PCLO: variants seen among roughly 807,000 people sequenced by gnomAD.
PCLO encodes the protein protein piccolo.
A neutral mutation model predicts 427.5 loss-of-function variants in PCLO; 82 were observed. That is an observed-to-expected ratio of 0.19 (90% confidence interval 0.16 to 0.23). The LOEUF (loss-of-function observed/expected upper bound fraction) is 0.23. PCLO is among the 10% of genes least tolerant of loss of function. The pLI, the probability that PCLO is intolerant of heterozygous loss-of-function variation, is 1.00. For missense variants in PCLO, 6,239 were observed against 6,115.9 expected (o/e 1.02, Z -0.67); for synonymous variants, 2,357 against 2,155.4 (o/e 1.09, Z -2.59).
intron 2 of PCLO, among the ~76,000 whole-genome samples, chr7:83,151,183 T>C (rs907399847): frequency 6.6e-6 from 1 of 152,154 alleles, no homozygotes; most frequent in African/African-American, 2.4e-5. Context: ...ACCTTTTGAT[T>C]GCGTTTTTTC....
chr7:82,771,239 G>A (rs1290100402), intron 22 of PCLO, among the ~76,000 whole-genome samples: 1 of 151,640 alleles, frequency 6.6e-6, no homozygotes, highest in Non-Finnish European at 1.5e-5. Context: ...TTTTTCTTAT[G>A]TATCTAACAA....
rs947594270 is a variant in PCLO at position 82,756,984 on chromosome 7, A to C, written c.*1591T>G. ...AAATTTGAGAATTAAAAAGATATGT[A>C]ATAATTATTCCTCACTTCTGTGTAT... On this transcript the variant is annotated 3_prime_UTR_variant, in exon 25 of 25. Coordinates refer to ENST00000333891, the MANE Select transcript of PCLO (RefSeq NM_033026.6). 2 of 152,166 alleles carry C rather than the reference A, an allele frequency of 1.3e-5. No individual in the cohort carries two copies. Among genetic ancestry groups the C allele is most frequent in the African/African-American group, 4.8e-5 (2 of 41,454 alleles). 9.4% of individuals were successfully genotyped at this position (152,166 alleles called of 1,614,324 possible). A position where few individuals can be genotyped will look rare whatever the true frequency, so the allele number is the denominator to read the frequency against.
chr7:82,960,954 A>T (rs1795643656), intron 4 of PCLO, among the ~76,000 whole-genome samples: 1 of 152,192 alleles, frequency 6.6e-6, no homozygotes, highest in Admixed American at 6.5e-5. Context: ...GTGAGGGCAC[A>T]GTCTTTGTAA....
At chr7:83,114,536 CATCT>C (rs1354267128) in intron 3 of PCLO, among the ~76,000 whole-genome samples, 6 of 152,000 alleles carry the variant, frequency 3.9e-5, no homozygotes, top group Non-Finnish European at 7.4e-5. Context: ...AATCATCAGA[CATCT>C]ATCAGGTGAT....
At position 83,108,830 on chromosome 7, in the gene PCLO, C is replaced by T. The variant is rs73707545; in HGVS notation, c.3300+25420G>A. ...ATGGTAATAGTAATATGAGCTCTTT[C>T]ATTAATTTTCAACTTAATCACAGTG... is the stretch of plus-strand genomic sequence containing the variant. On this transcript the variant is annotated intron_variant, in intron 3 of 24. Transcript: ENST00000333891. 8.3e-3 allele frequency among the ~76,000 whole-genome samples: 1,265 copies of T among 152,076 alleles called. 10 individuals are homozygous for T. The highest frequency in any genetic ancestry group is 0.029 in the African/African-American group (1,200 of 41,482).
intron 3 of PCLO, among the ~76,000 whole-genome samples, chr7:83,130,578 G>T (rs1406368368): frequency 6.6e-6 from 1 of 151,904 alleles, no homozygotes; most frequent in Non-Finnish European, 1.5e-5. Context: ...AATTTCTTTT[G>T]TGTGTGTGTA....
intron 18 of PCLO, among the ~76,000 whole-genome samples, chr7:82,825,696 T>C (rs1050408042): frequency 6.8e-6 from 1 of 148,056 alleles, no homozygotes; most frequent in Non-Finnish European, 1.5e-5. Context: ...ACATTATATA[T>C]ACACTGTAGA....
At position 82,794,477 on chromosome 7, in the gene PCLO, T is replaced by C. The variant is rs1370410491; in HGVS notation, c.15007+7041A>G. ...TTTTTTTCTTTTTTTTTTTTTTTTT[T>C]TTTTTTTTTTTTGAGACACAGTCTT... On this transcript the variant is annotated intron_variant, in intron 22 of 24. Coordinates refer to ENST00000333891, the MANE Select transcript of PCLO (RefSeq NM_033026.6). 8.1e-5 allele frequency among the ~76,000 whole-genome samples: 9 copies of C among 111,422 alleles called. 1 individual carries two copies. Among genetic ancestry groups the C allele is most frequent in the East Asian group, 7.8e-4 (3 of 3,828 alleles). 73.1% of individuals were successfully genotyped at this position (111,422 alleles called of 152,430 possible). A position where few individuals can be genotyped will look rare whatever the true frequency, so the allele number is the denominator to read the frequency against.
At chr7:83,095,228 C>T (rs970486523) in intron 3 of PCLO, among the ~76,000 whole-genome samples, 2 of 151,790 alleles carry the variant, frequency 1.3e-5, no homozygotes, top group Admixed American at 6.6e-5. Context: ...TCTACTTTGC[C>T]GAATATATGC....
At chr7:82,788,420 T>C (rs1791030821) in intron 22 of PCLO, among the ~76,000 whole-genome samples, 1 of 151,770 alleles carries the variant, frequency 6.6e-6, no homozygotes, top group Non-Finnish European at 1.5e-5. Flanking sequence ...TTTGATAAAT[T>C]ACATTTCTTC....
chr7:83,082,628 GC>G (rs1398346741), intron 3 of PCLO, among the ~76,000 whole-genome samples: 1 of 151,618 alleles, frequency 6.6e-6, no homozygotes, highest in Non-Finnish European at 1.5e-5. Context: ...TTTCAAAATA[GC>G]TAAAAGAGTA....
intron 3 of PCLO, among the ~76,000 whole-genome samples, chr7:82,973,244 T>C (rs559091544): frequency 1.3e-5 from 2 of 152,244 alleles, no homozygotes; most frequent in African/African-American, 4.8e-5. Flanking sequence ...AAAAAATAAA[T>C]GAAATGTGTG....
intron 19 of PCLO, among the ~76,000 whole-genome samples, chr7:82,823,845 G>C (rs938355322): frequency 2.0e-5 from 3 of 152,184 alleles, no homozygotes; most frequent in Non-Finnish European, 4.4e-5. Flanking sequence ...CAAACAATTA[G>C]AAGGATTATA....
intron 3 of PCLO, among the ~76,000 whole-genome samples, chr7:83,060,738 C>T (rs775666488): frequency 2.0e-5 from 3 of 152,136 alleles, no homozygotes; most frequent in Admixed American, 2.0e-4. Context: ...TGGTTCTAGA[C>T]AGTTTCAAAA....
chr7:82,868,908 A>G (rs1377519249), intron 10 of PCLO, among the ~76,000 whole-genome samples: 1 of 152,210 alleles, frequency 6.6e-6, no homozygotes, highest in African/African-American at 2.4e-5. Context: ...AAAGTTGAAC[A>G]ACTTATCAAT....
chr7:82,971,745 T>TAG (rs1253922746), intron 3 of PCLO, among the ~76,000 whole-genome samples: 2 of 148,978 alleles, frequency 1.3e-5, no homozygotes, highest in African/African-American at 4.9e-5. Context: ...ACCAACCATA[T>TAG]ATATATATAT....
intron 7 of PCLO, among the ~76,000 whole-genome samples, chr7:82,914,169 A>G (rs1437989664): frequency 6.6e-6 from 1 of 152,066 alleles, no homozygotes; most frequent in East Asian, 1.9e-4. Context: ...CTTATCCAAA[A>G]GTTCTCAAAA....
Position 83,134,218 on chromosome 7 carries a change from A to ATAT in PCLO, c.3300+31_3300+32insATA, listed in dbSNP as rs1791647654. The stretch of plus-strand genomic sequence containing the variant: ...AACCCACAGACTCACCTCCATATGT[A>ATAT]ATATATATATATATATATATATATA... On this transcript the variant is annotated intron_variant, in intron 3 of 24. Transcript: ENST00000333891. 2 of 406,888 alleles carry ATAT rather than the reference A, an allele frequency of 4.9e-6. 1 individual carries two copies. Among genetic ancestry groups the ATAT allele is most frequent in the African/African-American group, 4.5e-5 (2 of 44,434 alleles). 25.2% of individuals were successfully genotyped at this position (406,888 alleles called of 1,614,324 possible).
At chr7:83,119,314 C>CAG (rs1395602687) in intron 3 of PCLO, among the ~76,000 whole-genome samples, 1 of 152,106 alleles carries the variant, frequency 6.6e-6, no homozygotes, top group Admixed American at 6.6e-5. Flanking sequence ...CAGCCCAGCA[C>CAG]AGAGAGAGAG....
Sources: gnomAD v4.1 joint callset for allele counts (sites outside exome capture counted in the v4.1 genomes callset) on GRCh38, gnomAD v4.1.1 for gene constraint, MANE v1.5 for transcripts, NCBI Gene and HGNC (gene_info 2026-07-23, HGNC 2026-07-21) for gene names.